The following PPM1E variants were observed in gnomAD, a reference collection of about 807,000 sequenced individuals.
PPM1E encodes protein phosphatase, Mg2+/Mn2+ dependent 1E.
Under a neutral mutation model 65.9 loss-of-function variants are expected in PPM1E, and 20 were observed. The ratio of observed to expected loss-of-function variants is 0.30; its 90% confidence interval spans 0.21 to 0.44. PPM1E has a LOEUF of 0.44. Among genes scored for constraint, PPM1E ranks in the 20% least tolerant of loss-of-function variants. The probability of loss-of-function intolerance (pLI) is 1.00; values close to 1 mark genes in which losing one functional copy is unlikely to be tolerated. For missense variants in PPM1E, 713 were observed against 953.1 expected (o/e 0.75, Z 3.32); for synonymous variants, 352 against 374.9 (o/e 0.94, Z 0.70).
At chr17:58,790,758 C>G (rs2050149850) in intron 1 of PPM1E, among the ~76,000 whole-genome samples, 1 of 152,170 alleles carries the variant, frequency 6.6e-6, no homozygotes, top group Non-Finnish European at 1.5e-5. Flanking sequence ...CTGTGAGTGA[C>G]CCATTGTGAA....
rs1200235138 is a variant in PPM1E, at chr17:58,792,377, G to A, written c.464+35916G>A. On this transcript the variant is annotated intron_variant, in intron 1 of 6. Transcript: ENST00000308249. ...TATTTTTGAGACAGAGTCTGACTCT[G>A]CCACCAAGGCTGGAGTGCAATGGTG... Among the ~76,000 whole-genome samples the A allele has an allele frequency of 4.0e-5, 6 of 151,824 alleles. No individual in the cohort carries two copies. The East Asian group carries it at 9.6e-4, about 24-fold the overall frequency.
At chr17:58,837,351 A>G (rs2050673004) in intron 1 of PPM1E, among the ~76,000 whole-genome samples, 1 of 151,034 alleles carries the variant, frequency 6.6e-6, no homozygotes, top group African/African-American at 2.4e-5. Flanking sequence ...ACACACACAC[A>G]CACACACACT....
At position 58,805,972 on chromosome 17, in the gene PPM1E, AAC is replaced by A. The variant is rs1213746600; in HGVS notation, c.464+49513_464+49514del. On this transcript the variant is annotated intron_variant, in intron 1 of 6. Transcript: ENST00000308249. ...GCTAAAAAAAAAAACAAAAAAAAAA[AAC>A]AAAAAAAAAACAAAACAAAACAAAA... Among the ~76,000 whole-genome samples the A allele has an allele frequency of 2.2e-4, 27 of 121,982 alleles. 2 individuals carry two copies. Among genetic ancestry groups the A allele is most frequent in the African/African-American group, 4.9e-4 (15 of 30,870 alleles). The allele number at this position is 121,982 out of a possible 152,430, so 80.0% of individuals were successfully genotyped here. A position where few individuals can be genotyped will look rare whatever the true frequency, so the allele number is the denominator to read the frequency against.
intron 1 of PPM1E, among the ~76,000 whole-genome samples, chr17:58,920,878 C>T (rs1700154712): frequency 1.3e-5 from 2 of 152,064 alleles, no homozygotes; most frequent in Admixed American, 1.3e-4. Flanking sequence ...GAACCCTGGG[C>T]ATTACCATTT....
chr17:58,882,209 G>A (rs1035663714), intron 1 of PPM1E, among the ~76,000 whole-genome samples: 13 of 151,812 alleles, frequency 8.6e-5, no homozygotes, highest in African/African-American at 3.1e-4. Flanking sequence ...ACAATAAAAA[G>A]CAGTGTTACC....
At chr17:58,815,108 C>A (rs1159292721) in intron 1 of PPM1E, among the ~76,000 whole-genome samples, 1 of 152,132 alleles carries the variant, frequency 6.6e-6, no homozygotes, top group Admixed American at 6.5e-5. Flanking sequence ...CTTCAGAATT[C>A]TCAGTAGGGA....
intron 1 of PPM1E, among the ~76,000 whole-genome samples, chr17:58,772,404 C>A (rs1001309574): frequency 6.6e-6 from 1 of 151,546 alleles, no homozygotes; most frequent in African/African-American, 2.4e-5. Context: ...TGCAGTGAGC[C>A]AAGATCGTGC....
At chr17:58,900,928 A>C (rs2051491297) in intron 1 of PPM1E, among the ~76,000 whole-genome samples, 1 of 152,190 alleles carries the variant, frequency 6.6e-6, no homozygotes, top group African/African-American at 2.4e-5. Context: ...ATAAATATAA[A>C]TATGTACCTT....
rs5821250 is a variant in PPM1E, at chr17:58,891,832, C to CTTT, written c.465-63798_465-63796dup. Among the ~76,000 whole-genome samples, 657 of 85,434 alleles carry CTTT rather than the reference C, an allele frequency of 7.7e-3. 20 individuals carry two copies. The highest frequency in any genetic ancestry group is 0.01 in the African/African-American group (211 of 20,940). The allele number at this position is 85,434 out of a possible 152,430, so 56.0% of individuals were successfully genotyped here. A position where few individuals can be genotyped will look rare whatever the true frequency, so the allele number is the denominator to read the frequency against. ...TTATGTTTTACATTTTTTTCTTTTT[C>CTTT]TTTTTTTTTTTTTTTTTTTTTGAGA... On this transcript the variant is annotated intron_variant, in intron 1 of 6. Coordinates refer to ENST00000308249, the MANE Select transcript of PPM1E (RefSeq NM_014906.5).
intron 1 of PPM1E, among the ~76,000 whole-genome samples, chr17:58,904,522 A>C (rs2051533392): frequency 6.6e-6 from 1 of 152,218 alleles, no homozygotes; most frequent in South Asian, 2.1e-4. Context: ...TTATCTGCTT[A>C]TCTAGAAGAT....
chr17:58,880,388 A>G (rs2051181171), intron 1 of PPM1E, among the ~76,000 whole-genome samples: 2 of 152,166 alleles, frequency 1.3e-5, no homozygotes, highest in Non-Finnish European at 2.9e-5. Context: ...GTTTTCTTGA[A>G]AGGATTAGGA....
intron 2 of PPM1E, among the ~76,000 whole-genome samples, chr17:58,958,403 G>T (rs1001391431): frequency 6.6e-6 from 1 of 151,546 alleles, no homozygotes; most frequent in Non-Finnish European, 1.5e-5. Context: ...TAGAGACAGG[G>T]TCTCGCTATG....
chr17:58,798,524 T>A (rs943646261), intron 1 of PPM1E, among the ~76,000 whole-genome samples: 10 of 145,320 alleles, frequency 6.9e-5, no homozygotes, highest in Non-Finnish European at 1.5e-4. Context: ...CACACGGCCC[T>A]ATTTTTTTTT....
At chr17:58,955,818 G>A (rs1567887776) in intron 2 of PPM1E, 51 bp downstream of exon 2, 1 of 1,509,814 alleles carries the variant, frequency 6.6e-7, no homozygotes, top group Non-Finnish European at 8.9e-7. Context: ...TCTTCTATAT[G>A]TAGTGGTCCA....
chr17:58,917,041 C>T (rs567118367), intron 1 of PPM1E, among the ~76,000 whole-genome samples: 1 of 152,038 alleles, frequency 6.6e-6, no homozygotes, highest in Admixed American at 6.5e-5. Flanking sequence ...GAAACCCCGT[C>T]TCTACTAAAA....
At chr17:58,903,879 T>C (rs1249912101) in intron 1 of PPM1E, among the ~76,000 whole-genome samples, 22 of 152,216 alleles carry the variant, frequency 1.4e-4, no homozygotes. Flanking sequence ...AGAAAAGTAA[T>C]CTAATATTTT....
intron 1 of PPM1E, among the ~76,000 whole-genome samples, chr17:58,839,271 T>C (rs2050693472): frequency 6.6e-6 from 1 of 151,862 alleles, no homozygotes; most frequent in African/African-American, 2.4e-5. Flanking sequence ...AGAGTTCAAG[T>C]CCAGCTTGGG....
chr17:58,918,472 G>A (rs796189694), intron 1 of PPM1E, among the ~76,000 whole-genome samples: 14 of 152,080 alleles, frequency 9.2e-5, no homozygotes, highest in African/African-American at 3.4e-4. Flanking sequence ...ATCTTTAGTA[G>A]GGTGCTTTTT....
At chr17:58,928,043 G>C (rs762870517) in intron 1 of PPM1E, among the ~76,000 whole-genome samples, 11 of 151,516 alleles carry the variant, frequency 7.3e-5, no homozygotes, top group Non-Finnish European at 1.6e-4. Flanking sequence ...CTGGGCAACA[G>C]AGCAAGACTC....
Sources: gnomAD v4.1 joint callset for allele counts (sites outside exome capture counted in the v4.1 genomes callset) on GRCh38, gnomAD v4.1.1 for gene constraint, MANE v1.5 for transcripts, NCBI Gene and HGNC (gene_info 2026-07-23, HGNC 2026-07-21) for gene names.